Variants in SLC14A2 observed in about 807,000 individuals in gnomAD.
The protein encoded by SLC14A2 is solute carrier family 14 member 2, also known as urea transporter 2.
In SLC14A2, 91 loss-of-function variants were observed where a neutral mutation model predicts 104.6. The ratio of observed to expected loss-of-function variants is 0.87; its 90% CI spans 0.73 to 1.04. The LOEUF is 1.04. Among genes scored for constraint, SLC14A2 ranks in the 50% least tolerant of loss-of-function variants. SLC14A2 has a pLI of 0.00. For missense variants in SLC14A2, 1,189 were observed against 1,156.0 expected (o/e 1.03, Z -0.41); for synonymous variants, 476 against 466.4 (o/e 1.02, Z -0.27).
chr18:45,629,990 C>T (rs1173821058), intron 4 of SLC14A2, among the ~76,000 whole-genome samples: 1 of 152,198 alleles, frequency 6.6e-6, no homozygotes. Flanking sequence ...AATCCTTCCT[C>T]CCCCAGGGAG....
chr18:45,245,420 T>G (rs1015753191), intron 1 of SLC14A2, among the ~76,000 whole-genome samples: 1 of 152,236 alleles, frequency 6.6e-6, no homozygotes, highest in Non-Finnish European at 1.5e-5. Context: ...GACCTTTGTC[T>G]TACCATTTCT....
intron 1 of SLC14A2, among the ~76,000 whole-genome samples, chr18:45,243,924 C>A (rs1363282201): frequency 6.6e-6 from 1 of 152,126 alleles, no homozygotes; most frequent in African/African-American, 2.4e-5. Flanking sequence ...TGGCTATACC[C>A]AATCTGATTG....
Position 45,622,882 on chromosome 18 carries a change from C to T in SLC14A2, c.-34-1749C>T, listed in dbSNP as rs145542500. The stretch of plus-strand genomic sequence containing the variant: ...AGAAAAGGGAAGCACCTAGTGTTCA[C>T]CTGAGGACAGCAATCCAACTTACAG... On this transcript the variant is annotated intron_variant, in intron 1 of 19. Transcript: ENST00000255226. Among the ~76,000 whole-genome samples the T allele has an allele frequency of 2.0e-3, 300 of 152,266 alleles. 4 individuals carry two copies. Among genetic ancestry groups the T allele is most frequent in the African/African-American group, 7.0e-3 (291 of 41,544 alleles).
chr18:45,494,882 T>C (rs1467839660), intron 2 of SLC14A2, among the ~76,000 whole-genome samples: 2 of 146,214 alleles, frequency 1.4e-5, no homozygotes, highest in African/African-American at 5.1e-5. Context: ...CAGAGCTTTT[T>C]AAAACAGAAT....
intron 2 of SLC14A2, among the ~76,000 whole-genome samples, chr18:45,557,267 C>T (rs1031277445): frequency 6.6e-6 from 1 of 152,220 alleles, no homozygotes; most frequent in African/African-American, 2.4e-5. Flanking sequence ...TGCCATGCTA[C>T]CTGTTTCCCA....
chr18:45,634,705 G>A, intron 5 of SLC14A2: 2 of 419,104 alleles, frequency 4.8e-6, no homozygotes, highest in South Asian at 3.6e-5. Flanking sequence ...GGTACACCCT[G>A]TAGACCCAGT....
intron 1 of SLC14A2, among the ~76,000 whole-genome samples, chr18:45,317,230 T>G (rs561931420): frequency 6.6e-6 from 1 of 152,282 alleles, no homozygotes; most frequent in South Asian, 2.1e-4. Context: ...TAGAGTCTAA[T>G]AGATAGATCA....
chr18:45,481,393 A>T (rs2087490313), intron 1 of SLC14A2, among the ~76,000 whole-genome samples: 1 of 152,142 alleles, frequency 6.6e-6, no homozygotes, highest in Non-Finnish European at 1.5e-5. Context: ...TAAGAATTTG[A>T]AAGTGCCGCA....
chr18:45,271,021 T>G (rs1228953351), intron 1 of SLC14A2, among the ~76,000 whole-genome samples: 1 of 152,170 alleles, frequency 6.6e-6, no homozygotes, highest in Non-Finnish European at 1.5e-5. Flanking sequence ...CCTTTATGTG[T>G]GTAAGGTAAA....
intron 1 of SLC14A2, among the ~76,000 whole-genome samples, chr18:45,351,598 T>C (rs2144307693): frequency 6.6e-6 from 1 of 152,250 alleles, no homozygotes; most frequent in Middle Eastern, 3.4e-3. Context: ...CAAGTGATCC[T>C]CCCACCTGAG....
At chr18:45,323,323 C>T (rs1488988348) in intron 1 of SLC14A2, among the ~76,000 whole-genome samples, 1 of 152,152 alleles carries the variant, frequency 6.6e-6, no homozygotes, top group Admixed American at 6.5e-5. Context: ...ATCTCTGTTC[C>T]TTGTGTCAGG....
At chr18:45,434,393 G>C (rs1034382685) in intron 1 of SLC14A2, among the ~76,000 whole-genome samples, 1 of 152,204 alleles carries the variant, frequency 6.6e-6, no homozygotes, top group African/African-American at 2.4e-5. Flanking sequence ...GGGAAAAGCT[G>C]TAAGACCTAT....
chr18:45,333,777 G>A (rs2085312241), intron 1 of SLC14A2, among the ~76,000 whole-genome samples: 1 of 152,288 alleles, frequency 6.6e-6, no homozygotes, highest in African/African-American at 2.4e-5. Flanking sequence ...TTGGGCAAGA[G>A]GATCTTGACT....
the SLC14A2 span, among the ~76,000 whole-genome samples, chr18:45,197,787 A>G: frequency 6.6e-6 from 1 of 152,168 alleles, no homozygotes; most frequent in African/African-American, 2.4e-5. Flanking sequence ...TTCCGCAGTG[A>G]TCTGTTTGGG....
intron 1 of SLC14A2, among the ~76,000 whole-genome samples, chr18:45,354,767 C>A (rs2085535760): frequency 6.6e-6 from 1 of 152,208 alleles, no homozygotes; most frequent in South Asian, 2.1e-4. Context: ...ACTTCCCCAA[C>A]CTTCACTCTC....
At chr18:45,323,233 C>T (rs75869733) in intron 1 of SLC14A2, among the ~76,000 whole-genome samples, 6,633 of 152,230 alleles carry the variant, frequency 0.044, 392 homozygotes, top group African/African-American at 0.14. Context: ...GAACAATAAC[C>T]TCAGTAAACT....
At chr18:45,508,809 A>T (rs1424757330) in intron 2 of SLC14A2, among the ~76,000 whole-genome samples, 2 of 152,216 alleles carry the variant, frequency 1.3e-5, no homozygotes, top group Non-Finnish European at 2.9e-5. Flanking sequence ...TCAAGGCATC[A>T]TGCACACACA....
intron 10 of SLC14A2, among the ~76,000 whole-genome samples, chr18:45,656,849 AAGG>A (rs1394216731): frequency 7.2e-5 from 11 of 152,234 alleles, no homozygotes; most frequent in Non-Finnish European, 1.5e-4. Context: ...GCTGCGTGGG[AAGG>A]AGAAGAGAAA....
chr18:45,397,711 T>G (rs2086050981), intron 1 of SLC14A2, among the ~76,000 whole-genome samples: 1 of 152,186 alleles, frequency 6.6e-6, no homozygotes, highest in Admixed American at 6.5e-5. Flanking sequence ...GCAGTTGCTT[T>G]TTGAGTTAAC....
Sources: gnomAD v4.1 joint callset for allele counts (sites outside exome capture counted in the v4.1 genomes callset) on GRCh38, gnomAD v4.1.1 for gene constraint, MANE v1.5 for transcripts, NCBI Gene and HGNC (gene_info 2026-07-23, HGNC 2026-07-21) for gene names.